The following PCSK5 variants were observed in gnomAD, a reference collection of about 807,000 sequenced individuals.
PCSK5 encodes prohormone convertase 5.
In PCSK5, 129 loss-of-function variants were observed where a neutral mutation model predicts 233.2. The ratio of observed to expected loss-of-function variants is 0.55; its 90% CI spans 0.48 to 0.64. PCSK5 has a LOEUF of 0.64. PCSK5 is among the 30% of genes least tolerant of loss of function. PCSK5 has a pLI of 0.00. For synonymous variants in PCSK5, 825 were observed against 879.2 expected, an observed-to-expected ratio of 0.94 and a Z score of 1.09; for missense variants, 2,076 against 2,430.1, an observed-to-expected ratio of 0.85 and a Z score of 3.06.
At chr9:76,024,411 A>G (rs1828332347) in intron 4 of PCSK5, among the ~76,000 whole-genome samples, 1 of 152,234 alleles carries the variant, frequency 6.6e-6, no homozygotes, top group Non-Finnish European at 1.5e-5. Flanking sequence ...AAGTGCACTC[A>G]GATAAACTGT....
In PCSK5 at chr9:76,159,013, C is replaced by T. The variant is rs1822730693; in HGVS notation, c.1461C>T (p.Ser487=). 1 of 1,614,016 alleles carries T rather than the reference C, an allele frequency of 6.2e-7. No homozygotes were observed. Among genetic ancestry groups the T allele is most frequent in the African/African-American group, 1.3e-5 (1 of 74,922 alleles). The change falls in exon 12 of 38, where the codon TCC becomes TCT. Residue 487 remains serine (S), a synonymous_variant. Coordinates refer to ENST00000674117, the MANE Select transcript of PCSK5 (RefSeq NM_001372043.1). Reference sequence around the variant, plus strand: ...TCCGCCCTAACAGTGCAGTGCGCTCCATCTACAAAGCTTCAGGCTGCTCGG... The same window carrying T: ...TCCGCCCTAACAGTGCAGTGCGCTCTATCTACAAAGCTTCAGGCTGCTCGG... ...KTIRPNSAVR[S]IYKASGCSDN...
chr9:76,159,379 T>A (rs1822746034), intron 12 of PCSK5, among the ~76,000 whole-genome samples: 1 of 152,196 alleles, frequency 6.6e-6, no homozygotes, highest in Non-Finnish European at 1.5e-5. Flanking sequence ...AATAGTTGGC[T>A]AAGAAAAGGA....
At chr9:76,209,514 G>T in intron 20 of PCSK5, 1 of 515,420 alleles carries the variant, frequency 1.9e-6, no homozygotes, top group Non-Finnish European at 3.9e-6. Flanking sequence ...CATGTAGTAG[G>T]CGCTCAATAA....
At chr9:76,066,208 T>C (rs1362392938) in intron 5 of PCSK5, among the ~76,000 whole-genome samples, 1 of 152,246 alleles carries the variant, frequency 6.6e-6, no homozygotes, top group African/African-American at 2.4e-5. Flanking sequence ...ATTGAATCTG[T>C]AGATTGCTTT....
chr9:75,984,947 G>A (rs1289686714), intron 2 of PCSK5, among the ~76,000 whole-genome samples: 1 of 152,126 alleles, frequency 6.6e-6, no homozygotes. Flanking sequence ...AGGTGAGAGA[G>A]GTCTTAAAAT....
At chr9:76,266,924 C>T (rs1827350968) in intron 24 of PCSK5, among the ~76,000 whole-genome samples, 1 of 152,124 alleles carries the variant, frequency 6.6e-6, no homozygotes, top group South Asian at 2.1e-4. Context: ...AACTGTAAAC[C>T]TGGAAAAAAA....
chr9:76,089,914 A>G (rs1831216411), intron 7 of PCSK5, among the ~76,000 whole-genome samples: 1 of 152,194 alleles, frequency 6.6e-6, no homozygotes, highest in Admixed American at 6.5e-5. Context: ...CTGATAGGGT[A>G]ATACAAATTG....
intron 9 of PCSK5, among the ~76,000 whole-genome samples, chr9:76,132,236 A>G (rs1822787674): frequency 1.3e-5 from 2 of 152,226 alleles, no homozygotes; most frequent in Admixed American, 1.3e-4. Flanking sequence ...AAAGGCTCAA[A>G]TCATGCTATT....
intron 2 of PCSK5, among the ~76,000 whole-genome samples, chr9:75,973,811 A>G (rs998004283): frequency 2.0e-5 from 3 of 152,172 alleles, no homozygotes; most frequent in Non-Finnish European, 4.4e-5. Flanking sequence ...CTCTCATTTT[A>G]GTGCTAAGGG....
intron 10 of PCSK5, among the ~76,000 whole-genome samples, chr9:76,151,909 A>G (rs890333046): frequency 1.3e-5 from 2 of 152,250 alleles, no homozygotes; most frequent in African/African-American, 4.8e-5. Context: ...ACTGTTGAGT[A>G]TGGTGTTGAA....
At chr9:76,041,093 T>G (rs1234894415) in intron 5 of PCSK5, among the ~76,000 whole-genome samples, 1 of 152,186 alleles carries the variant, frequency 6.6e-6, no homozygotes, top group Non-Finnish European at 1.5e-5. Context: ...TGGGTGTAGC[T>G]CTCTCTTCCT....
intron 10 of PCSK5, among the ~76,000 whole-genome samples, chr9:76,147,063 A>T (rs1823470312): frequency 6.6e-6 from 1 of 152,272 alleles, no homozygotes; most frequent in African/African-American, 2.4e-5. Context: ...TAGACAAGTC[A>T]GTGCATTTTC....
intron 20 of PCSK5, among the ~76,000 whole-genome samples, chr9:76,227,131 C>T (rs1054694631): frequency 3.3e-5 from 5 of 152,118 alleles, no homozygotes; most frequent in South Asian, 2.1e-4. Context: ...CAAGACTATA[C>T]GGCCCTCTGT....
At chr9:76,183,055 G>A (rs1823941225) in intron 16 of PCSK5, among the ~76,000 whole-genome samples, 1 of 152,116 alleles carries the variant, frequency 6.6e-6, no homozygotes, top group Admixed American at 6.6e-5. Context: ...TTGACTTGAG[G>A]GAGAAAGGAG....
At chr9:76,173,355 T>C (rs1033576516) in intron 13 of PCSK5, among the ~76,000 whole-genome samples, 6 of 152,080 alleles carry the variant, frequency 3.9e-5, no homozygotes, top group Non-Finnish European at 8.8e-5. Context: ...TCAGCCAAGG[T>C]GAGAGGGGTT....
intron 14 of PCSK5, among the ~76,000 whole-genome samples, chr9:76,178,964 C>T (rs1210431541): frequency 6.6e-6 from 1 of 152,046 alleles, no homozygotes; most frequent in Non-Finnish European, 1.5e-5. Context: ...GTCTGGAATC[C>T]TTTAAGCTTG....
intron 27 of PCSK5, among the ~76,000 whole-genome samples, chr9:76,301,088 A>G (rs984773236): frequency 6.6e-6 from 1 of 152,096 alleles, no homozygotes. Context: ...CCTGGCCAAC[A>G]TGGTGAAACC....
chr9:76,318,194 T>C (rs571596948), intron 30 of PCSK5, among the ~76,000 whole-genome samples: 20 of 152,256 alleles, frequency 1.3e-4, no homozygotes, highest in African/African-American at 4.8e-4. Context: ...GAAACCTTCA[T>C]TCTCAGCAAA....
chr9:75,959,091 T>C (rs1825221328), intron 2 of PCSK5, among the ~76,000 whole-genome samples: 1 of 152,196 alleles, frequency 6.6e-6, no homozygotes, highest in Admixed American at 6.5e-5. Flanking sequence ...ATTTAAGACC[T>C]GTGAAGAAAG....
Sources: allele counts gnomAD v4.1 joint callset (sites outside exome capture counted in the v4.1 genomes callset), GRCh38; gene constraint gnomAD v4.1.1; transcripts MANE v1.5; gene names NCBI Gene and HGNC (gene_info 2026-07-23, HGNC 2026-07-21).